The following SPECC1 variants were observed in gnomAD, a reference collection of about 807,000 sequenced individuals.
SPECC1 encodes the protein sperm antigen with calponin homology and coiled-coil domains 1.
In SPECC1, 62 loss-of-function variants were observed where a neutral mutation model predicts 104.1. That is an observed-to-expected ratio of 0.60 (90% CI 0.49 to 0.74). SPECC1 has a LOEUF of 0.74. SPECC1 is among the 30% of genes least tolerant of loss of function. The pLI is 0.00. For synonymous variants in SPECC1, 513 were observed against 501.6 expected (o/e 1.02, Z -0.30); for missense variants, 1,306 against 1,310.5 (o/e 1.00, Z 0.05).
intron 1 of SPECC1, among the ~76,000 whole-genome samples, chr17:20,031,779 A>G (rs1458233846): frequency 6.6e-6 from 1 of 152,170 alleles, no homozygotes; most frequent in Non-Finnish European, 1.5e-5. Flanking sequence ...TGGCTGGCTT[A>G]TTTCACTTAG....
At chr17:20,086,270 C>G (rs1364396256) in intron 1 of SPECC1, among the ~76,000 whole-genome samples, 1 of 152,162 alleles carries the variant, frequency 6.6e-6, no homozygotes, top group African/African-American at 2.4e-5. Flanking sequence ...GGAAGTAGCT[C>G]TTTCCATGTT....
At chr17:20,253,925 C>G (rs2039726887) in intron 10 of SPECC1, among the ~76,000 whole-genome samples, 1 of 151,956 alleles carries the variant, frequency 6.6e-6, no homozygotes. Flanking sequence ...CCTCGGCCTC[C>G]CACAGTGCTG....
chr17:20,095,259 T>TA (rs1197211135), intron 1 of SPECC1, among the ~76,000 whole-genome samples: 2 of 152,234 alleles, frequency 1.3e-5, no homozygotes, highest in Non-Finnish European at 2.9e-5. Flanking sequence ...TCCAGAATTT[T>TA]AAAAAAATCA....
intron 1 of SPECC1, among the ~76,000 whole-genome samples, chr17:20,086,471 T>C (rs1045936431): frequency 1.1e-4 from 16 of 152,152 alleles, no homozygotes; most frequent in Admixed American, 6.5e-5. Flanking sequence ...GACTTAAGGC[T>C]TCTGTGCATT....
At chr17:20,028,279 C>A (rs61257528) in intron 1 of SPECC1, among the ~76,000 whole-genome samples, 72,031 of 147,364 alleles carry the variant, frequency 0.49, 17,795 homozygotes, top group Middle Eastern at 0.56. Flanking sequence ...TTTTTTTTTT[C>A]ATGTGACTAT....
intron 1 of SPECC1, among the ~76,000 whole-genome samples, chr17:20,066,706 G>A (rs1221658430): frequency 6.6e-6 from 1 of 152,142 alleles, no homozygotes; most frequent in East Asian, 1.9e-4. Flanking sequence ...TTTACAAATA[G>A]AGTCTGATAC....
chr17:20,189,844 G>A (rs544792272), intron 3 of SPECC1, among the ~76,000 whole-genome samples: 2 of 152,280 alleles, frequency 1.3e-5, no homozygotes, highest in African/African-American at 4.8e-5. Flanking sequence ...CCCAAAAAAA[G>A]TAAAATGGAG....
At chr17:20,166,491 TG>T (rs1461547085) in intron 3 of SPECC1, among the ~76,000 whole-genome samples, 1 of 152,170 alleles carries the variant, frequency 6.6e-6, no homozygotes, top group Non-Finnish European at 1.5e-5. Flanking sequence ...AAATAGGAAT[TG>T]AAAACTACAA....
At chr17:20,080,010 T>C (rs2046904534) in intron 1 of SPECC1, among the ~76,000 whole-genome samples, 1 of 152,230 alleles carries the variant, frequency 6.6e-6, no homozygotes, top group Non-Finnish European at 1.5e-5. Flanking sequence ...ATTTTAGTTC[T>C]TTAATGCCTC....
chr17:20,199,367 G>A (rs1422010511), intron 3 of SPECC1, among the ~76,000 whole-genome samples: 14 of 147,040 alleles, frequency 9.5e-5, no homozygotes, highest in African/African-American at 2.7e-4. Flanking sequence ...AATTACAGGC[G>A]TGAGCCACCG....
At chr17:20,294,401 G>A (rs2041272717) in intron 12 of SPECC1, among the ~76,000 whole-genome samples, 1 of 152,206 alleles carries the variant, frequency 6.6e-6, no homozygotes, top group Admixed American at 6.5e-5. Context: ...TGTTTGGTGT[G>A]CTGACGGGGC....
chr17:20,261,931 C>T (rs1255076745), intron 12 of SPECC1, among the ~76,000 whole-genome samples: 2 of 152,242 alleles, frequency 1.3e-5, no homozygotes, highest in Admixed American at 1.3e-4. Context: ...ACTTTCCCAT[C>T]ATAGCCCTCA....
chr17:20,292,046 G>C (rs982879637), intron 12 of SPECC1, among the ~76,000 whole-genome samples: 1 of 151,726 alleles, frequency 6.6e-6, no homozygotes, highest in Non-Finnish European at 1.5e-5. Context: ...CGGGTTTCTG[G>C]ATCTAAAGCC....
At chr17:20,313,927 T>C (rs2041995958) in intron 14 of SPECC1, 49 bp from the exon 15 acceptor site, 1 of 1,557,252 alleles carries the variant, frequency 6.4e-7, no homozygotes, top group East Asian at 2.3e-5. Flanking sequence ...GGGGAAGGGG[T>C]CTGTGATGTC....
chr17:20,209,698 C>T (rs2037010944), intron 4 of SPECC1, among the ~76,000 whole-genome samples: 1 of 152,138 alleles, frequency 6.6e-6, no homozygotes, highest in Non-Finnish European at 1.5e-5. Context: ...GGTCTGATTT[C>T]CACAGAACCC....
intron 3 of SPECC1, among the ~76,000 whole-genome samples, chr17:20,175,383 G>C (rs895754611): frequency 9.9e-5 from 15 of 152,148 alleles, no homozygotes; most frequent in Non-Finnish European, 1.9e-4. Flanking sequence ...TTTGTTTACT[G>C]CAAGTTTTCT....
At chr17:20,242,102 A>G (rs2039228400) in intron 7 of SPECC1, among the ~76,000 whole-genome samples, 2 of 152,230 alleles carry the variant, frequency 1.3e-5, no homozygotes, top group African/African-American at 4.8e-5. Context: ...CAGTGGTGCC[A>G]TACAACACTA....
Position 20,205,086 on chromosome 17 carries a change from C to T in SPECC1, c.1037C>T (p.Thr346Ile). The T allele has an allele frequency of 6.2e-7, 1 of 1,614,194 alleles. No homozygotes were observed. Among genetic ancestry groups the T allele is most frequent in the Non-Finnish European group, 8.5e-7 (1 of 1,180,030 alleles). The change falls in exon 4 of 15, where the codon ACC becomes ATC. Residue 346 changes from threonine (T) to isoleucine (I), a missense_variant. Physicochemically the swap from Thr to Ile is moderately conservative, Grantham distance 89. Around this residue, in one of 2 missense-constraint regions of SPECC1, gnomAD observed 1,177 missense variants for 1,139.9 expected, o/e 1.03. Transcript: ENST00000395527. ...AETPSRPLSS[T>I]SNPFKSSKCS... The stretch of plus-strand genomic sequence containing the variant: ...ACACCCTCAAGGCCCCTGTCCTCCA[C>T]CAGTAACCCCTTTAAGAGTTCAAAG...
intron 3 of SPECC1, chr17:20,112,593 C>T (rs56696913): frequency 4.7e-6 from 4 of 852,902 alleles, no homozygotes; most frequent in South Asian, 1.3e-5. Flanking sequence ...CTTTGCTGTG[C>T]AAATCTTAAA....
Sources: gnomAD v4.1 joint callset for allele counts (sites outside exome capture counted in the v4.1 genomes callset) on GRCh38, gnomAD v4.1.1 for gene constraint, gnomAD v4.1.1 regional missense constraint, MANE v1.5 for transcripts, NCBI Gene and HGNC (gene_info 2026-07-23, HGNC 2026-07-21) for gene names.